The following HDAC9 variants were observed in gnomAD, a reference collection of about 807,000 sequenced individuals.
HDAC9 encodes MEF-2 interacting transcription repressor (MITR) protein.
A neutral mutation model predicts 139.4 loss-of-function variants in HDAC9; 41 were observed. That is an observed-to-expected ratio of 0.29 (90% CI 0.23 to 0.38). HDAC9 has a LOEUF of 0.38. HDAC9 is among the 10% of genes least tolerant of loss of function. HDAC9 has a pLI of 1.00. For synonymous variants in HDAC9, 517 were observed against 476.2 expected, an observed-to-expected ratio of 1.09 and a Z score of -1.12; for missense variants, 1,147 against 1,297.0, an observed-to-expected ratio of 0.88 and a Z score of 1.78.
chr7:18,793,144 C>T (rs1792478115), intron 16 of HDAC9: 2 of 562,156 alleles, frequency 3.6e-6, no homozygotes, highest in Admixed American at 3.0e-5. Context: ...AAAGCCATGT[C>T]CAGAAGGCCT....
chr7:18,946,036 C>CAAAAAAAAAAAAAAAAAAAAAAAAAAAAA (rs1171055959), intron 23 of HDAC9, among the ~76,000 whole-genome samples: 2 of 38,260 alleles, frequency 5.2e-5, no homozygotes, highest in African/African-American at 1.5e-4. Flanking sequence ...GACTCCGTCT[C>CAAAAAAAAAAAAAAAAAAAAAAAAAAAAA]AAAAAAAAAA....
intron 2 of HDAC9, among the ~76,000 whole-genome samples, chr7:18,233,154 C>T (rs1033811476): frequency 6.6e-6 from 1 of 152,130 alleles, no homozygotes; most frequent in Non-Finnish European, 1.5e-5. Flanking sequence ...CTCATAATTG[C>T]TGCCCATATA....
intron 1 of HDAC9, among the ~76,000 whole-genome samples, chr7:18,458,582 TG>T (rs1189816842): frequency 6.6e-6 from 1 of 152,238 alleles, no homozygotes; most frequent in Non-Finnish European, 1.5e-5. Context: ...TCATAGCCAA[TG>T]CTACTGTGTT....
chr7:18,371,898 C>T (rs957065134), intron 1 of HDAC9, among the ~76,000 whole-genome samples: 3 of 152,176 alleles, frequency 2.0e-5, no homozygotes, highest in Non-Finnish European at 2.9e-5. Context: ...TGTCTTTCCT[C>T]AGTCTGGAGA....
At chr7:18,499,771 A>T (rs1797896731) in intron 2 of HDAC9, among the ~76,000 whole-genome samples, 2 of 152,190 alleles carry the variant, frequency 1.3e-5, no homozygotes, top group Non-Finnish European at 2.9e-5. Flanking sequence ...TTCTTACTTT[A>T]GGGTATAAAA....
intron 2 of HDAC9, among the ~76,000 whole-genome samples, chr7:18,262,096 C>T (rs1795719311): frequency 6.6e-6 from 1 of 152,140 alleles, no homozygotes. Flanking sequence ...CTGTCGGTTC[C>T]CTTATTGTTT....
chr7:18,875,399 A>T (rs1023533201), intron 22 of HDAC9, among the ~76,000 whole-genome samples: 1 of 152,194 alleles, frequency 6.6e-6, no homozygotes, highest in Admixed American at 6.5e-5. Flanking sequence ...TGCAAAGCAG[A>T]CAACAACAAA....
At chr7:18,773,259 C>A (rs1020289737) in intron 16 of HDAC9, among the ~76,000 whole-genome samples, 1 of 151,678 alleles carries the variant, frequency 6.6e-6, no homozygotes, top group African/African-American at 2.4e-5. Context: ...TGTTAAAATT[C>A]TTCTGTTGCC....
At chr7:18,434,649 A>T (rs187007997) in intron 1 of HDAC9, among the ~76,000 whole-genome samples, 4 of 152,328 alleles carry the variant, frequency 2.6e-5, no homozygotes, top group Admixed American at 2.6e-4. Flanking sequence ...AATGCTCAAC[A>T]TCACTAATCA....
chr7:18,972,307 G>C (rs1055977962), intron 24 of HDAC9, among the ~76,000 whole-genome samples: 2 of 151,364 alleles, frequency 1.3e-5, no homozygotes, highest in African/African-American at 4.9e-5. Context: ...ACTTCTTCCG[G>C]ATTAGTGTGG....
At chr7:18,300,352 C>T (rs1017769822) in intron 1 of HDAC9, among the ~76,000 whole-genome samples, 4 of 152,074 alleles carry the variant, frequency 2.6e-5, no homozygotes, top group Admixed American at 6.5e-5. Flanking sequence ...GGTTAAGATC[C>T]GTTTTTAATT....
intron 1 of HDAC9, among the ~76,000 whole-genome samples, chr7:18,117,456 A>G (rs1200214686): frequency 6.6e-6 from 1 of 151,872 alleles, no homozygotes. Context: ...ACTGCACTCC[A>G]GCCTGGGCAA....
chr7:18,333,188 A>C lies in HDAC9; in HGVS notation c.-42+42673A>C, dbSNP rs190355911. 2.3e-3 allele frequency among the ~76,000 whole-genome samples: 356 copies of C among 151,688 alleles called. 4 individuals carry two copies. The highest frequency in any genetic ancestry group is 8.4e-3 in the African/African-American group (347 of 41,460). ...AACTACTGAGTCAGAGGCAGTTTTT[A>C]AACAGAGCTCAACTAGAGATAGAAA... On this transcript the variant is annotated intron_variant, in intron 1 of 3. Transcript: ENST00000413509.
At chr7:18,860,972 G>T (rs1798060458) in intron 21 of HDAC9, among the ~76,000 whole-genome samples, 1 of 152,116 alleles carries the variant, frequency 6.6e-6, no homozygotes, top group Non-Finnish European at 1.5e-5. Flanking sequence ...GCAAAGTCGG[G>T]ACTACTGATC....
In HDAC9 at chr7:18,375,855, A is replaced by C. The variant is rs971124227; in HGVS notation, c.-42+85340A>C. Reference sequence around the variant, plus strand: ...TCCATGCCTCATCTAGAGGAAATGCATTAGGATCTGTCCCTAATGCTAATT... The same window carrying C: ...TCCATGCCTCATCTAGAGGAAATGCCTTAGGATCTGTCCCTAATGCTAATT... On this transcript the variant is annotated intron_variant, in intron 1 of 3. Coordinates refer to the HDAC9 transcript ENST00000413509. Among the ~76,000 whole-genome samples the C allele has an allele frequency of 4.6e-5, 7 of 152,222 alleles. No individual in the cohort carries two copies. The East Asian group carries it at 1.2e-3, about 25-fold the overall frequency.
chr7:18,331,624 A>G (rs1278491354), intron 1 of HDAC9, among the ~76,000 whole-genome samples: 2 of 128,408 alleles, frequency 1.6e-5, no homozygotes, highest in Non-Finnish European at 3.7e-5. Context: ...TTAAAGTATA[A>G]TAAAAAAATT....
At chr7:18,161,743 C>T (rs980441648) in intron 1 of HDAC9, among the ~76,000 whole-genome samples, 1 of 152,144 alleles carries the variant, frequency 6.6e-6, no homozygotes, top group Non-Finnish European at 1.5e-5. Flanking sequence ...TTCTGTCACT[C>T]TTATAGTTTA....
At chr7:18,800,515 TG>T (rs1461920253) in intron 17 of HDAC9, among the ~76,000 whole-genome samples, 1 of 152,226 alleles carries the variant, frequency 6.6e-6, no homozygotes, top group African/African-American at 2.4e-5. Context: ...ATACTTTCTT[TG>T]AAGTTTCTTA....
chr7:18,209,849 C>T (rs1184952585), intron 2 of HDAC9, among the ~76,000 whole-genome samples: 7 of 151,892 alleles, frequency 4.6e-5, no homozygotes, highest in Non-Finnish European at 5.9e-5. Context: ...TACGGGCGCC[C>T]GCCACCACGC....
Sources: gnomAD v4.1 joint callset for allele counts (sites outside exome capture counted in the v4.1 genomes callset) on GRCh38, gnomAD v4.1.1 for gene constraint, MANE v1.5 for transcripts, NCBI Gene and HGNC (gene_info 2026-07-23, HGNC 2026-07-21) for gene names.